The following STK32A variants were observed in gnomAD, a reference collection of about 807,000 sequenced individuals.
The protein encoded by STK32A is serine/threonine kinase 32A.
A neutral mutation model predicts 53.2 loss-of-function variants in STK32A; 41 were observed. That is an observed-to-expected ratio of 0.77 (90% CI 0.60 to 1.00). The LOEUF is 1.00. Among genes scored for constraint, STK32A ranks in the 50% least tolerant of loss-of-function variants. The probability of loss-of-function intolerance (pLI) is 0.00; values close to 1 mark genes in which losing one functional copy is unlikely to be tolerated. For synonymous variants in STK32A, 166 were observed against 162.8 expected, an observed-to-expected ratio of 1.02 and a Z score of -0.15; for missense variants, 458 against 485.8, an observed-to-expected ratio of 0.94 and a Z score of 0.54.
intron 5 of STK32A, among the ~76,000 whole-genome samples, chr5:147,333,879 A>G (rs1156484213): frequency 6.6e-6 from 1 of 152,180 alleles, no homozygotes; most frequent in African/African-American, 2.4e-5. Context: ...AGGCTTTGGA[A>G]TAGTTACATC....
At chr5:147,326,086 A>C (rs1323951996) in intron 5 of STK32A, among the ~76,000 whole-genome samples, 4 of 152,170 alleles carry the variant, frequency 2.6e-5, no homozygotes, top group Non-Finnish European at 4.4e-5. Context: ...GTGTTCCAAG[A>C]GGAATTCAGG....
In STK32A at chr5:147,351,174, C is replaced by CTT; in HGVS notation, c.562+29_562+30dup. On this transcript the variant is annotated intron_variant, in intron 7 of 12. Transcript: ENST00000397936. ...ACATGGGTATGGGTTTCATGAGTGTCTTTTTTTTTTCTTTCCTGTAAATAC... is the reference window on the plus strand; with the variant it reads ...ACATGGGTATGGGTTTCATGAGTGTCTTTTTTTTTTTTCTTTCCTGTAAATAC... The CTT allele has an allele frequency of 4.8e-6, 7 of 1,463,136 alleles. No homozygotes were observed. The highest frequency in any genetic ancestry group is 1.9e-5 in the Admixed American group (1 of 54,006). 90.6% of individuals were successfully genotyped at this position (1,463,136 alleles called of 1,614,324 possible). A position where few individuals can be genotyped will look rare whatever the true frequency, so the allele number is the denominator to read the frequency against.
At chr5:147,380,485 T>C (rs1285714614) in intron 11 of STK32A, among the ~76,000 whole-genome samples, 1 of 152,106 alleles carries the variant, frequency 6.6e-6, no homozygotes, top group African/African-American at 2.4e-5. Flanking sequence ...AAAAAAATAA[T>C]AAATGACTGA....
chr5:147,304,305 C>T (rs1240385167), intron 4 of STK32A, among the ~76,000 whole-genome samples: 1 of 152,078 alleles, frequency 6.6e-6, no homozygotes. Context: ...GGATTGTTAG[C>T]CTAAGCAACT....
At chr5:147,287,959 C>CT (rs1279414492) in intron 4 of STK32A, among the ~76,000 whole-genome samples, 2 of 151,696 alleles carry the variant, frequency 1.3e-5, no homozygotes, top group South Asian at 2.1e-4. Flanking sequence ...CATTCTGTTC[C>CT]TTTTTTTAAG....
Position 147,386,968 on chromosome 5 carries a change from C to T in STK32A, c.*2985C>T, listed in dbSNP as rs953351671. Reference sequence around the variant, plus strand: ...CCCACTAGGTGGAACATGTCTCTTCCGGAGTTGTGACAACCGAGGCTCAGA... The same window carrying T: ...CCCACTAGGTGGAACATGTCTCTTCTGGAGTTGTGACAACCGAGGCTCAGA... On this transcript the variant is annotated 3_prime_UTR_variant, in exon 13 of 13. Transcript: ENST00000397936. 4.6e-5 allele frequency: 7 copies of T among 152,162 alleles called. No homozygotes were observed. The highest frequency in any genetic ancestry group is 3.8e-4 in the East Asian group (2 of 5,200). The allele number at this position is 152,162 out of a possible 1,614,324, so 9.4% of individuals were successfully genotyped here.
At chr5:147,249,932 A>AAAAAAAAAT (rs1753913518) in intron 2 of STK32A, among the ~76,000 whole-genome samples, 2 of 150,482 alleles carry the variant, frequency 1.3e-5, no homozygotes, top group African/African-American at 2.4e-5. Context: ...AAAAAAAAAA[A>AAAAAAAAAT]GTGGCCTCAT....
At chr5:147,254,873 C>T (rs574003381) in intron 2 of STK32A, among the ~76,000 whole-genome samples, 143 of 152,218 alleles carry the variant, frequency 9.4e-4, no homozygotes, top group Non-Finnish European at 1.5e-3. Context: ...GGCGCGGTGG[C>T]TCACGCCTGT....
At chr5:147,275,236 T>C (rs1189006579) in intron 2 of STK32A, among the ~76,000 whole-genome samples, 1 of 152,144 alleles carries the variant, frequency 6.6e-6, no homozygotes, top group Non-Finnish European at 1.5e-5. Context: ...GAGGTTTAGT[T>C]GCATTTTCAA....
intron 2 of STK32A, among the ~76,000 whole-genome samples, chr5:147,266,874 T>G (rs1166386881): frequency 6.6e-6 from 1 of 152,002 alleles, no homozygotes; most frequent in Non-Finnish European, 1.5e-5. Context: ...AAATACAAAA[T>G]TAGCCAGGCA....
chr5:147,273,877 C>T (rs1581024518), intron 2 of STK32A, among the ~76,000 whole-genome samples: 1 of 152,132 alleles, frequency 6.6e-6, no homozygotes, highest in Non-Finnish European at 1.5e-5. Context: ...TTTCATCTCT[C>T]TGAGCCTGAG....
chr5:147,386,950 G>C lies in STK32A; in HGVS notation c.*2967G>C, dbSNP rs1379256177. 2 of 152,204 alleles carry C rather than the reference G, an allele frequency of 1.3e-5. No homozygotes were observed. The highest frequency in any genetic ancestry group is 4.8e-5 in the African/African-American group (2 of 41,458). 9.4% of individuals were successfully genotyped at this position (152,204 alleles called of 1,614,324 possible). A position where few individuals can be genotyped will look rare whatever the true frequency, so the allele number is the denominator to read the frequency against. Reference sequence around the variant, plus strand: ...TGGGCTAAACGTTAATATCCCACTAGGTGGAACATGTCTCTTCCGGAGTTG... The same window carrying C: ...TGGGCTAAACGTTAATATCCCACTACGTGGAACATGTCTCTTCCGGAGTTG... On this transcript the variant is annotated 3_prime_UTR_variant, in exon 13 of 13. Transcript: ENST00000397936.
chr5:147,338,236 T>G (rs570638750), intron 5 of STK32A, among the ~76,000 whole-genome samples: 1 of 152,088 alleles, frequency 6.6e-6, no homozygotes, highest in Non-Finnish European at 1.5e-5. Flanking sequence ...CTTGTGATAG[T>G]GGGTGAGTCT....
chr5:147,344,566 A>G (rs1410291692), intron 6 of STK32A, among the ~76,000 whole-genome samples: 19 of 152,182 alleles, frequency 1.2e-4, no homozygotes, highest in Non-Finnish European at 2.8e-4. Flanking sequence ...TGAGCCCAGG[A>G]GTTTGAATCC....
chr5:147,345,650 C>T (rs1250714921), intron 6 of STK32A, among the ~76,000 whole-genome samples: 1 of 151,988 alleles, frequency 6.6e-6, no homozygotes, highest in Non-Finnish European at 1.5e-5. Context: ...CGTGTACATT[C>T]TGCTGTCTTT....
At chr5:147,246,961 T>A (rs1753789698) in intron 2 of STK32A, among the ~76,000 whole-genome samples, 1 of 152,226 alleles carries the variant, frequency 6.6e-6, no homozygotes, top group African/African-American at 2.4e-5. Context: ...AGTTAAAGAG[T>A]GTCTTCTGAA....
chr5:147,298,833 T>G (rs989695751), intron 4 of STK32A, among the ~76,000 whole-genome samples: 4 of 152,198 alleles, frequency 2.6e-5, no homozygotes, highest in African/African-American at 9.6e-5. Context: ...ATGAAACTCC[T>G]GTCTTTCAGT....
At chr5:147,258,533 C>T (rs751562795) in intron 2 of STK32A, among the ~76,000 whole-genome samples, 8 of 147,318 alleles carry the variant, frequency 5.4e-5, no homozygotes, top group Non-Finnish European at 1.0e-4. Context: ...CCTTTTAAAA[C>T]TTTTTTTTCC....
chr5:147,351,255 C>A, intron 7 of STK32A, 101 bp downstream of exon 7: 2 of 983,856 alleles, frequency 2.0e-6, no homozygotes, highest in East Asian at 2.6e-5. Flanking sequence ...TGGTAAGTTC[C>A]TCTCTGACTT....
Sources: allele counts gnomAD v4.1 joint callset (sites outside exome capture counted in the v4.1 genomes callset), GRCh38; gene constraint gnomAD v4.1.1; transcripts MANE v1.5; gene names NCBI Gene and HGNC (gene_info 2026-07-23, HGNC 2026-07-21).